Variants in GPATCH11 observed in about 807,000 individuals in gnomAD.
GPATCH11 encodes G-patch domain containing 11, also known as G patch domain-containing protein 11.
A neutral mutation model predicts 44.8 loss-of-function variants in GPATCH11; 32 were observed. That is an observed-to-expected ratio of 0.71 (90% CI 0.54 to 0.96). GPATCH11 has a LOEUF of 0.96. Among genes scored for constraint, GPATCH11 ranks in the 40% least tolerant of loss-of-function variants. The pLI is 0.00. For synonymous variants in GPATCH11, 84 were observed against 94.4 expected (o/e 0.89, Z 0.64); for missense variants, 324 against 303.1 (o/e 1.07, Z -0.51).
chr2:37,096,246 T>G lies in GPATCH11; in HGVS notation c.775T>G (p.Ser259Ala). ...DLSSNCPGPT[S>A]ADHD Reference sequence around the variant, plus strand: ...ATCTTCAAATTGTCCAGGACCAACTTCTGCAGATCATGACTAAGATTATTC... The same window carrying G: ...ATCTTCAAATTGTCCAGGACCAACTGCTGCAGATCATGACTAAGATTATTC... Residue 259 changes from serine to alanine, a missense_variant, in exon 9 of 9, where the codon TCT becomes GCT. Transcript: ENST00000674370. 2 of 1,588,482 alleles carry G rather than the reference T, an allele frequency of 1.3e-6. No homozygotes were observed. The highest frequency in any genetic ancestry group is 1.7e-6 in the Non-Finnish European group (2 of 1,164,980).
chr2:37,094,942 C>T (rs78352369), intron 7 of GPATCH11, among the ~76,000 whole-genome samples: 9 of 65,456 alleles, frequency 1.4e-4, no homozygotes, highest in Admixed American at 1.2e-3. Flanking sequence ...CCCTGTCTCA[C>T]AAAAAAAAAA....
Position 37,089,644 on chromosome 2 carries a change from G to C in GPATCH11, c.64G>C (p.Asp22His). The C allele has an allele frequency of 6.5e-7, 1 of 1,548,370 alleles. No homozygotes were observed. The highest frequency in any genetic ancestry group is 8.7e-7 in the Non-Finnish European group (1 of 1,144,862). Reference protein sequence around the residue: ...MSDSFINVQEDIRPGLPMLRQ... With the variant: ...MSDSFINVQEHIRPGLPMLRQ... ...ATAAACTTTTCCCTTATTCAGAGAA[G>C]ATATCAGACCAGGATTGCCAATGCT... The change falls in exon 3 of 9, where the codon GAT (aspartate) becomes CAT (histidine). Residue 22 changes from aspartate (D) to histidine (H), a missense_variant. Coordinates refer to ENST00000674370, the MANE Select transcript of GPATCH11 (RefSeq NM_174931.4).
intron 3 of GPATCH11, 36 bp downstream of exon 3, chr2:37,089,902 C>T (rs1445495137): frequency 1.1e-5 from 15 of 1,394,872 alleles, no homozygotes; most frequent in Non-Finnish European, 1.5e-5. Context: ...GTATTCCTTA[C>T]CACCTAATTG....
chr2:37,090,812 A>T (rs1673282736), intron 4 of GPATCH11, 90 bp downstream of exon 4: 5 of 651,200 alleles, frequency 7.7e-6, no homozygotes, highest in Middle Eastern at 3.9e-4. Flanking sequence ...ACTTTTTTTT[A>T]AATGATAATA....
rs1246906941 is a variant in GPATCH11 at position 37,096,237 on chromosome 2, G to A, written c.766G>A (p.Gly256Arg). 3 of 1,589,756 alleles carry A rather than the reference G, an allele frequency of 1.9e-6. No homozygotes were observed. The highest frequency in any genetic ancestry group is 2.6e-6 in the Non-Finnish European group (3 of 1,167,090). The change falls in exon 9 of 9, where the codon GGA (glycine) becomes AGA (arginine). Residue 256 changes from glycine to arginine, a missense_variant. By Grantham distance (125) the Gly-to-Arg change is moderately radical (BLOSUM62 -2). Transcript: ENST00000674370. ...DKEDLSSNCP[G>R]PTSADHD ...AGAAGACCTATCTTCAAATTGTCCA[G>A]GACCAACTTCTGCAGATCATGACTA...
intron 6 of GPATCH11, among the ~76,000 whole-genome samples, chr2:37,093,873 T>C (rs1673445049): frequency 6.6e-6 from 1 of 152,180 alleles, no homozygotes; most frequent in Admixed American, 6.5e-5. Flanking sequence ...GTCAGGATGA[T>C]CTTGATCTCT....
rs1193802056 is a variant in GPATCH11 at position 37,099,045 on chromosome 2, A to C, written c.*2782A>C. 2 of 152,232 alleles carry C rather than the reference A, an allele frequency of 1.3e-5. No homozygotes were observed. The highest frequency in any genetic ancestry group is 2.9e-5 in the Non-Finnish European group (2 of 68,038). The allele number at this position is 152,232 out of a possible 1,614,324, so 9.4% of individuals were successfully genotyped here. ...ATTAATACGAAATTTGAAACTGCAA[A>C]ACAATGTAAAATTTAATGTCATGTT... On this transcript the variant is annotated 3_prime_UTR_variant, in exon 9 of 9. Coordinates refer to ENST00000674370, the MANE Select transcript of GPATCH11 (RefSeq NM_174931.4).
At position 37,097,610 on chromosome 2, in the gene GPATCH11, C is replaced by T. The variant is rs1251849252; in HGVS notation, c.*1347C>T. 5 of 152,176 alleles carry T rather than the reference C, an allele frequency of 3.3e-5. No homozygotes were observed. In the East Asian group the frequency reaches 9.6e-4, roughly 29 times the overall value. The allele number at this position is 152,176 out of a possible 1,614,324, so 9.4% of individuals were successfully genotyped here. On this transcript the variant is annotated 3_prime_UTR_variant, in exon 9 of 9. Coordinates refer to ENST00000674370, the MANE Select transcript of GPATCH11 (RefSeq NM_174931.4). ...TCACCTGTGTGATTTTATAGCTCAC[C>T]TGTTAGTTAGATTGAGCAAGAGAAC...
intron 6 of GPATCH11, among the ~76,000 whole-genome samples, chr2:37,092,957 A>G (rs777720866): frequency 2.6e-5 from 4 of 152,134 alleles, no homozygotes; most frequent in Non-Finnish European, 5.9e-5. Flanking sequence ...ACCAGCCTGG[A>G]TAACATTTCA....
chr2:37,095,567 T>A, intron 8 of GPATCH11, 49 bp downstream of exon 8: 1 of 1,494,526 alleles, frequency 6.7e-7, no homozygotes, highest in Non-Finnish European at 8.9e-7. Flanking sequence ...TGCTCTCCAA[T>A]TTTTAGTTAA....
chr2:37,094,287 C>A, intron 7 of GPATCH11, 92 bp downstream of exon 7: 1 of 765,798 alleles, frequency 1.3e-6, no homozygotes, highest in Non-Finnish European at 2.2e-6. Flanking sequence ...GGAGAGCTGT[C>A]CTGTGCATTG....
At chr2:37,089,488 A>G (rs1673203067) in intron 2 of GPATCH11, among the ~76,000 whole-genome samples, 152 bp from the exon 3 acceptor site, 1 of 152,002 alleles carries the variant, frequency 6.6e-6, no homozygotes, top group Admixed American at 6.6e-5. Context: ...AATCGGTTGA[A>G]CCCAGGAGGC....
Position 37,095,450 on chromosome 2 carries a change from T to A in GPATCH11, c.668T>A (p.Leu223Ter), listed in dbSNP as rs1349682756. 6.2e-7 allele frequency: 1 copy of A among 1,605,834 alleles called. No individual in the cohort carries two copies. The highest frequency in any genetic ancestry group is 8.5e-7 in the Non-Finnish European group (1 of 1,176,670). ...KSEDLSVLEK[L>*]QILTSYLREE... ...TGTATCCTATAGGTACTGGAAAAAT[T>A]ACAAATATTGACTAGTTATTTAAGA... The change falls in exon 8 of 9, where the codon TTA becomes TAA. Residue 223 changes from leucine to a stop codon, truncating the protein, a stop_gained. Transcript: ENST00000674370. LOFTEE classifies it high-confidence loss of function.
Position 37,094,096 on chromosome 2 carries a change from C to T in GPATCH11, c.555C>T (p.Pro185=). 6.3e-7 allele frequency: 1 copy of T among 1,596,638 alleles called. No homozygotes were observed. The highest frequency in any genetic ancestry group is 1.3e-5 in the African/African-American group (1 of 74,730). Reference sequence around the variant, plus strand: ...TGCATTTTCAGAATATTCAGGTTCCCAGGGAAGCATGGTACTGGTTGAGGC... The same window carrying T: ...TGCATTTTCAGAATATTCAGGTTCCTAGGGAAGCATGGTACTGGTTGAGGC... ...QLDVQKNIQV[P]REAWYWLRLE... Residue 185 remains proline, a synonymous_variant, in exon 7 of 9, where the codon CCC becomes CCT. Coordinates refer to ENST00000674370, the MANE Select transcript of GPATCH11 (RefSeq NM_174931.4).
At chr2:37,089,943 T>C in intron 3 of GPATCH11, 77 bp downstream of exon 3, 2 of 970,164 alleles carry the variant, frequency 2.1e-6, no homozygotes, top group Non-Finnish European at 3.1e-6. Flanking sequence ...AAGCTGATGC[T>C]TTAATCTTTA....
chr2:37,088,547 A>C, intron 2 of GPATCH11, 107 bp downstream of exon 2: 1 of 615,964 alleles, frequency 1.6e-6, no homozygotes, highest in Admixed American at 2.9e-5. Context: ...ACAGGGTCTC[A>C]TTCTGTTAGC....
chr2:37,094,512 C>G (rs1204019617), intron 7 of GPATCH11, among the ~76,000 whole-genome samples: 2 of 152,206 alleles, frequency 1.3e-5, no homozygotes, highest in East Asian at 3.8e-4. Flanking sequence ...CCTCTCATCT[C>G]AGCTTCAGTT....
chr2:37,088,518 T>G (rs1673156144), intron 2 of GPATCH11, 78 bp downstream of exon 2: 1 of 769,690 alleles, frequency 1.3e-6, no homozygotes, highest in African/African-American at 1.8e-5. Context: ...TTTATTTTAT[T>G]TTATTTTATT....
At chr2:37,087,472 C>A (rs1199874811) in intron 1 of GPATCH11, among the ~76,000 whole-genome samples, 1 of 152,184 alleles carries the variant, frequency 6.6e-6, no homozygotes, top group Non-Finnish European at 1.5e-5. Flanking sequence ...TTAAGAAGAT[C>A]TCAGTGCAAT....
Sources: allele counts gnomAD v4.1 joint callset (sites outside exome capture counted in the v4.1 genomes callset), GRCh38; gene constraint gnomAD v4.1.1; transcripts MANE v1.5; gene names NCBI Gene and HGNC (gene_info 2026-07-23, HGNC 2026-07-21).